PHETA2: variants seen among roughly 807,000 people sequenced by gnomAD.
The protein encoded by PHETA2 is sesquipedalian-2.
For missense variants in PHETA2, 321 were observed against 341.3 expected (o/e 0.94, Z 0.47); for synonymous variants, 133 against 142.9 (o/e 0.93, Z 0.50).
At chr22:42,076,159 G>T (rs1927273151) in intron 2 of PHETA2, 1 of 218,162 alleles carries the variant, frequency 4.6e-6, no homozygotes. Context: ...ACTACAAAAG[G>T]ATCAAGAATT....
chr22:42,077,948 CCT>C lies in PHETA2; in HGVS notation c.656_657del (p.Pro219ArgfsTer10), dbSNP rs761511969. ...LLGKGQSPVS[P>X]ETSCFSTLHD... ...AGGCAAGGGGCAGAGCCCTGTGTCC[CCT>C]GAGACCTCCTGCTTCTCTACCCTGC... is the stretch of plus-strand genomic sequence containing the variant. On this transcript the variant is annotated frameshift_variant, in exon 3 of 3. Transcript: ENST00000321753. LOFTEE classifies it high-confidence loss of function. 4 of 1,611,448 alleles carry C rather than the reference CCT, an allele frequency of 2.5e-6. No homozygotes were observed. The highest frequency in any genetic ancestry group is 1.7e-5 in the Admixed American group (1 of 59,588).
chr22:42,074,875 T>C (rs1404907663), intron 1 of PHETA2, among the ~76,000 whole-genome samples: 5 of 152,248 alleles, frequency 3.3e-5, no homozygotes, highest in Non-Finnish European at 7.3e-5. Flanking sequence ...GGTCCTTATG[T>C]TATCTCTTAT....
rs1487867246 is a variant in PHETA2 at position 42,079,102 on chromosome 22, C to T, written c.*1029C>T. ...GGCAAAGCGGCTGGGTCACCAGAGC[C>T]TGACCATACTGACGCTCCAGGGGGA... On this transcript the variant is annotated 3_prime_UTR_variant, in exon 3 of 3. Transcript: ENST00000321753. 1 of 167,214 alleles carries T rather than the reference C, an allele frequency of 6.0e-6. No individual in the cohort carries two copies. The highest frequency in any genetic ancestry group is 1.5e-5 in the Non-Finnish European group (1 of 68,184). 10.4% of individuals were successfully genotyped at this position (167,214 alleles called of 1,614,324 possible). A position where few individuals can be genotyped will look rare whatever the true frequency, so the allele number is the denominator to read the frequency against.
In PHETA2 at chr22:42,076,198, C is replaced by G. The variant is rs1927274646; in HGVS notation, c.-15+546C>G. 1.4e-5 allele frequency: 3 copies of G among 208,642 alleles called. No homozygotes were observed. In the South Asian group the frequency reaches 2.7e-4, roughly 19 times the overall value. 12.9% of individuals were successfully genotyped at this position (208,642 alleles called of 1,614,324 possible). A position where few individuals can be genotyped will look rare whatever the true frequency, so the allele number is the denominator to read the frequency against. ...TCTTGAAGCCACTTGCTATGTGGCT[C>G]TAGAGTGACACCAAGTAGCCATAAA... On this transcript the variant is annotated intron_variant, in intron 2 of 2. Coordinates refer to ENST00000321753, the MANE Select transcript of PHETA2 (RefSeq NM_001002034.3).
At position 42,077,926 on chromosome 22, in the gene PHETA2, C is replaced by G; in HGVS notation, c.633C>G (p.Gly211=). ...ELQGPASLLL[G]KGQSPVSPET... ...AGGGCCCTGCCAGCCTCCTCCTAGG[C>G]AAGGGGCAGAGCCCTGTGTCCCCTG... Residue 211 remains glycine (G), a synonymous_variant, in exon 3 of 3, where the codon GGC becomes GGG. Transcript: ENST00000321753. The G allele has an allele frequency of 6.2e-7, 1 of 1,613,092 alleles. No homozygotes were observed. Among genetic ancestry groups the G allele is most frequent in the Admixed American group, 1.7e-5 (1 of 59,852 alleles).
chr22:42,075,754 C>T lies in PHETA2; in HGVS notation c.-15+102C>T, dbSNP rs1201356870. On this transcript the variant is annotated intron_variant, in intron 2 of 2. Coordinates refer to ENST00000321753, the MANE Select transcript of PHETA2 (RefSeq NM_001002034.3). The surrounding 1 kb of genome is among the most constrained non-coding windows in gnomAD (Gnocchi z 4.8). ...CCTCACTGCGCTGGGCCTTGGTTTT[C>T]CATGAGTAAGGACAGCTGGACTAAG... is the stretch of plus-strand genomic sequence containing the variant. 2.6e-5 allele frequency: 4 copies of T among 152,236 alleles called. No individual in the cohort carries two copies. The highest frequency in any genetic ancestry group is 9.7e-5 in the African/African-American group (4 of 41,410). The allele number at this position is 152,236 out of a possible 1,614,324, so 9.4% of individuals were successfully genotyped here.
rs1276465416 is a variant in PHETA2 at position 42,075,148 on chromosome 22, G to A, written c.-96-423G>A. Among the ~76,000 whole-genome samples, 1 of 152,148 alleles carries A rather than the reference G, an allele frequency of 6.6e-6. No homozygotes were observed. The highest frequency in any genetic ancestry group is 2.4e-5 in the African/African-American group (1 of 41,424). On this transcript the variant is annotated intron_variant, in intron 1 of 2. Coordinates refer to ENST00000321753, the MANE Select transcript of PHETA2 (RefSeq NM_001002034.3). This position sits in a 1 kb window ranked among gnomAD's most constrained non-coding sequence, Gnocchi z 4.8. ...CAGTGCTGTAAACACATATGACATCGTCGTGGGATGAAGGAAACAAACCAG... is the reference window on the plus strand; with the variant it reads ...CAGTGCTGTAAACACATATGACATCATCGTGGGATGAAGGAAACAAACCAG...
In PHETA2 at chr22:42,077,272, C is replaced by A. The variant is rs746760357; in HGVS notation, c.-14-8C>A. ...CTCTGATCTGCTGCCATCTCTCTTGCCTCACAGTTCCCGTGGGAGCCATGA... is the reference window on the plus strand; with the variant it reads ...CTCTGATCTGCTGCCATCTCTCTTGACTCACAGTTCCCGTGGGAGCCATGA... On this transcript the variant is annotated splice_region_variant and splice_polypyrimidine_tract_variant and intron_variant, in intron 2 of 2. Transcript: ENST00000321753. 2 of 1,515,830 alleles carry A rather than the reference C, an allele frequency of 1.3e-6. No homozygotes were observed. The highest frequency in any genetic ancestry group is 4.5e-5 in the East Asian group (2 of 43,964). 93.9% of individuals were successfully genotyped at this position (1,515,830 alleles called of 1,614,324 possible).
intron 1 of PHETA2, 75 bp downstream of exon 1, chr22:42,074,416 C>T (rs564102542): frequency 1.5e-3 from 225 of 152,532 alleles, no homozygotes; most frequent in Admixed American, 3.7e-3. Flanking sequence ...TGGCGGCGAA[C>T]AGCCCCGACG....
Position 42,077,856 on chromosome 22 carries a change from C to G in PHETA2, c.563C>G (p.Ala188Gly), listed in dbSNP as rs1807493. The G allele has an allele frequency of 0.22, 357,521 of 1,612,830 alleles. 41,677 individuals are homozygous for G. The highest frequency in any genetic ancestry group is 0.24 in the South Asian group (21,883 of 91,010). Residue 188 changes from alanine to glycine, a missense_variant, in exon 3 of 3, where the codon GCG (alanine) becomes GGG (glycine). Physicochemically the swap from Ala to Gly is moderately conservative, Grantham distance 60. Coordinates refer to ENST00000321753, the MANE Select transcript of PHETA2 (RefSeq NM_001002034.3). ...AGCCCTGTGGGCTTGGTTGAAGAAGCGGGCAGCAGGTCTGCAGGGTGGGGG... is the reference window on the plus strand; with the variant it reads ...AGCCCTGTGGGCTTGGTTGAAGAAGGGGGCAGCAGGTCTGCAGGGTGGGGG... ...DSSPVGLVEE[A>G]GSRSAGWGLA...
chr22:42,074,674 G>A (rs964277500), intron 1 of PHETA2, among the ~76,000 whole-genome samples: 2 of 152,156 alleles, frequency 1.3e-5, no homozygotes, highest in African/African-American at 4.8e-5. Context: ...CGGGGGAGGG[G>A]AGGGGTCATG....
chr22:42,075,070 G>A lies in PHETA2; in HGVS notation c.-96-501G>A, dbSNP rs1927233061. On this transcript the variant is annotated intron_variant, in intron 1 of 2. Coordinates refer to ENST00000321753, the MANE Select transcript of PHETA2 (RefSeq NM_001002034.3). The surrounding 1 kb of genome is among the most constrained non-coding windows in gnomAD (Gnocchi z 4.8). ...AGCCCTGCACGGTGCTGGGTATTGG[G>A]GTTCTCCTGGGAACTTAGCTGAGCC... 1.3e-5 allele frequency among the ~76,000 whole-genome samples: 2 copies of A among 152,116 alleles called. No individual in the cohort carries two copies. Among genetic ancestry groups the A allele is most frequent in the Admixed American group, 6.6e-5 (1 of 15,260 alleles).
At position 42,077,646 on chromosome 22, in the gene PHETA2, G is replaced by A. The variant is rs774016410; in HGVS notation, c.353G>A (p.Arg118Gln). Residue 118 changes from arginine (R) to glutamine (Q), a missense_variant, in exon 3 of 3, where the codon CGG (arginine) becomes CAG (glutamine). Physicochemically the swap from Arg to Gln is conservative, Grantham distance 43. Transcript: ENST00000321753. The stretch of plus-strand genomic sequence containing the variant: ...GAGGCCTGGGTGAAGGTGCTGTCCC[G>A]GGCAAGCTTTGGCTACATGCGCCTG... Reference protein sequence around the residue: ...AQEAWVKVLSRASFGYMRLVV... With the variant: ...AQEAWVKVLSQASFGYMRLVV... 36 of 1,614,020 alleles carry A rather than the reference G, an allele frequency of 2.2e-5. No individual in the cohort carries two copies. In the East Asian group the frequency reaches 4.2e-4, roughly 19 times the overall value.
rs1232196861 is a variant in PHETA2, at chr22:42,078,018, G to C, written c.725G>C (p.Trp242Ser). Residue 242 changes from tryptophan (W) to serine (S), a missense_variant, in exon 3 of 3, where the codon TGG becomes TCG. Trp to Ser is a radical substitution (Grantham distance 177). Transcript: ENST00000321753. ...GQEIVELRQC[W>S]QKRAQGSHSK... ...GAGATCGTGGAGCTGCGGCAGTGTT[G>C]GCAGAAGAGGGCCCAGGGGAGCCAC... The C allele has an allele frequency of 6.2e-7, 1 of 1,610,212 alleles. No individual in the cohort carries two copies. Among genetic ancestry groups the C allele is most frequent in the South Asian group, 1.1e-5 (1 of 90,480 alleles).
Position 42,077,833 on chromosome 22 carries a change from C to T in PHETA2, c.540C>T (p.Ser180=). 1.2e-6 allele frequency: 2 copies of T among 1,613,144 alleles called. No homozygotes were observed. Among genetic ancestry groups the T allele is most frequent in the Non-Finnish European group, 8.5e-7 (1 of 1,179,858 alleles). Residue 180 remains serine, a synonymous_variant, in exon 3 of 3, where the codon AGC becomes AGT. Transcript: ENST00000321753. ...GCCACTGCCTCTCCAAGGACAGCAG[C>T]CCTGTGGGCTTGGTTGAAGAAGCGG... The part of the protein sequence containing the change: ...ENGHCLSKDS[S]PVGLVEEAGS...
At position 42,078,017 on chromosome 22, in the gene PHETA2, T is replaced by C; in HGVS notation, c.724T>C (p.Trp242Arg). 6.2e-7 allele frequency: 1 copy of C among 1,610,574 alleles called. No homozygotes were observed. Among genetic ancestry groups the C allele is most frequent in the Non-Finnish European group, 8.5e-7 (1 of 1,178,708 alleles). The change falls in exon 3 of 3, where the codon TGG becomes CGG. Residue 242 changes from tryptophan to arginine, a missense_variant. By Grantham distance (101) the Trp-to-Arg change is moderately radical (BLOSUM62 -3). Coordinates refer to ENST00000321753, the MANE Select transcript of PHETA2 (RefSeq NM_001002034.3). ...GQEIVELRQC[W>R]QKRAQGSHSK... ...GGAGATCGTGGAGCTGCGGCAGTGTTGGCAGAAGAGGGCCCAGGGGAGCCA... is the reference window on the plus strand; with the variant it reads ...GGAGATCGTGGAGCTGCGGCAGTGTCGGCAGAAGAGGGCCCAGGGGAGCCA...
Position 42,079,359 on chromosome 22 carries a change from C to T in PHETA2, c.*1286C>T, listed in dbSNP as rs1927529297. The T allele has an allele frequency of 5.3e-6, 1 of 188,590 alleles. No individual in the cohort carries two copies. The highest frequency in any genetic ancestry group is 1.2e-5 in the Non-Finnish European group (1 of 82,318). The allele number at this position is 188,590 out of a possible 1,614,324, so 11.7% of individuals were successfully genotyped here. A position where few individuals can be genotyped will look rare whatever the true frequency, so the allele number is the denominator to read the frequency against. On this transcript the variant is annotated 3_prime_UTR_variant, in exon 3 of 3. Transcript: ENST00000321753. ...CCGCAGCCACTGCATTTTGTTTAAA[C>T]ACAGATAGCACGGGCCTTTCTCTTA...
chr22:42,077,189 G>A, intron 2 of PHETA2, 91 bp from the exon 3 acceptor site: 5 of 1,247,624 alleles, frequency 4.0e-6, no homozygotes, highest in Non-Finnish European at 3.3e-6. Flanking sequence ...CAGGGCTGGG[G>A]TCCAGGTTGC....
chr22:42,078,213 C>T lies in PHETA2; in HGVS notation c.*140C>T. ...TTAGGCATTCTCCAGGTTCGAGATC[C>T]ACCCGTGTGTCTGGAAGGGACTGCG... On this transcript the variant is annotated 3_prime_UTR_variant, in exon 3 of 3. Coordinates refer to ENST00000321753, the MANE Select transcript of PHETA2 (RefSeq NM_001002034.3). 9.3e-5 allele frequency: 90 copies of T among 963,186 alleles called. No individual in the cohort carries two copies. In the East Asian group the frequency reaches 1.3e-3, roughly 14 times the overall value. 59.7% of individuals were successfully genotyped at this position (963,186 alleles called of 1,614,324 possible). A position where few individuals can be genotyped will look rare whatever the true frequency, so the allele number is the denominator to read the frequency against.
Sources: gnomAD v4.1 joint callset for allele counts (sites outside exome capture counted in the v4.1 genomes callset) on GRCh38, gnomAD v4.1.1 for gene constraint, Gnocchi (gnomAD v3.1) non-coding constraint, MANE v1.5 for transcripts, NCBI Gene and HGNC (gene_info 2026-07-23, HGNC 2026-07-21) for gene names.